KALRN: variants seen among roughly 807,000 people sequenced by gnomAD.
KALRN encodes kalirin.
Under a neutral mutation model 353.7 loss-of-function variants are expected in KALRN, and 70 were observed. The ratio of observed to expected loss-of-function variants is 0.20; its 90% CI spans 0.16 to 0.24. The LOEUF is 0.24. KALRN is among the 10% of genes least tolerant of loss of function. The pLI, the probability that KALRN is intolerant of heterozygous loss-of-function variation, is 1.00. For missense variants in KALRN, 2,791 were observed against 3,756.7 expected, an observed-to-expected ratio of 0.74 and a Z score of 6.72; for synonymous variants, 1,391 against 1,434.8, an observed-to-expected ratio of 0.97 and a Z score of 0.69.
At chr3:124,205,854 T>C (rs1440685664) in intron 1 of KALRN, among the ~76,000 whole-genome samples, 4 of 152,218 alleles carry the variant, frequency 2.6e-5, no homozygotes, top group African/African-American at 9.6e-5. Context: ...CCCTGGCAGC[T>C]GGTATCTAAA....
intron 5 of KALRN, among the ~76,000 whole-genome samples, chr3:124,274,817 T>A (rs1431273912): frequency 1.3e-5 from 2 of 152,164 alleles, no homozygotes; most frequent in African/African-American, 4.8e-5. Flanking sequence ...TAGCCCTGCC[T>A]TTACCACTAC....
At chr3:124,665,554 T>C (rs2085506939) in intron 45 of KALRN, among the ~76,000 whole-genome samples, 1 of 152,222 alleles carries the variant, frequency 6.6e-6, no homozygotes, top group African/African-American at 2.4e-5. Context: ...AACCTCTGCC[T>C]CCCAGGTTCA....
chr3:124,576,771 A>C (rs2149212124), intron 34 of KALRN, among the ~76,000 whole-genome samples: 1 of 152,268 alleles, frequency 6.6e-6, no homozygotes, highest in East Asian at 1.9e-4. Context: ...TGCCTGTAGG[A>C]GGGAAGGTGG....
chr3:124,210,639 A>G (rs1282817252), intron 1 of KALRN, among the ~76,000 whole-genome samples: 1 of 152,156 alleles, frequency 6.6e-6, no homozygotes, highest in Non-Finnish European at 1.5e-5. Context: ...AGAAGAAAAA[A>G]ACACAAAGGG....
intron 1 of KALRN, among the ~76,000 whole-genome samples, chr3:124,197,176 G>C (rs2075526807): frequency 6.6e-6 from 1 of 151,470 alleles, no homozygotes; most frequent in African/African-American, 2.4e-5. Flanking sequence ...GACTAGATTT[G>C]CCTTATATAA....
At chr3:124,318,754 A>G (rs80104019) in intron 6 of KALRN, among the ~76,000 whole-genome samples, 2,507 of 152,306 alleles carry the variant, frequency 0.016, 68 homozygotes, top group African/African-American at 0.057. Flanking sequence ...TTAAGTTAAT[A>G]TAAGCTGCAG....
At chr3:124,142,994 CT>C (rs375016199) in intron 1 of KALRN, among the ~76,000 whole-genome samples, 19 of 148,762 alleles carry the variant, frequency 1.3e-4, no homozygotes, top group East Asian at 3.9e-4. Context: ...ACTGTGATGG[CT>C]TTTTTTTTTC....
rs147104793 is a variant in KALRN, at chr3:124,250,372, G to C, written c.264-14126G>C. Among the ~76,000 whole-genome samples, 766 of 152,330 alleles carry C rather than the reference G, an allele frequency of 5.0e-3. 6 individuals are homozygous for C. Among genetic ancestry groups the C allele is most frequent in the African/African-American group, 0.018 (734 of 41,576 alleles). On this transcript the variant is annotated intron_variant, in intron 3 of 59. Transcript: ENST00000682506. The stretch of plus-strand genomic sequence containing the variant: ...GTGTGACAAGAGAATGAGGAGTGGT[G>C]ATGGCATGGTAGTAGGCCAAGCCTG...
intron 13 of KALRN, among the ~76,000 whole-genome samples, chr3:124,406,686 T>C (rs1225160015): frequency 6.6e-6 from 1 of 152,198 alleles, no homozygotes; most frequent in Admixed American, 6.5e-5. Flanking sequence ...ATGCAACATA[T>C]GTAGTGTTGA....
At chr3:124,568,185 C>G (rs1249676805) in intron 34 of KALRN, among the ~76,000 whole-genome samples, 1 of 152,132 alleles carries the variant, frequency 6.6e-6, no homozygotes, top group Admixed American at 6.5e-5. Flanking sequence ...TAAAAATGGA[C>G]AAAGGACTTA....
In KALRN at chr3:124,209,130, G is replaced by T. The variant is rs141642143; in HGVS notation, c.74-18860G>T. Among the ~76,000 whole-genome samples the T allele has an allele frequency of 2.5e-3, 374 of 152,158 alleles. 4 individuals carry two copies. The highest frequency in any genetic ancestry group is 8.0e-3 in the African/African-American group (334 of 41,512). ...TACATTGTCTCTCTATGAGTTTGGT[G>T]TTATTAGCCTTATTTTACTTATGAG... On this transcript the variant is annotated intron_variant, in intron 1 of 59. Coordinates refer to ENST00000682506, the MANE Select transcript of KALRN (RefSeq NM_001388419.1).
In KALRN at chr3:124,657,716, T is replaced by G; in HGVS notation, c.5967-18T>G. The G allele has an allele frequency of 6.3e-7, 1 of 1,594,596 alleles. No homozygotes were observed. Among genetic ancestry groups the G allele is most frequent in the Non-Finnish European group, 8.6e-7 (1 of 1,162,488 alleles). ...TGAATAATGTGGCTTCCTTCTCTTA[T>G]CCCCTTTCTCCTTTTAGTTTTTTCC... On this transcript the variant is annotated intron_variant, in intron 40 of 59. Coordinates refer to ENST00000682506, the MANE Select transcript of KALRN (RefSeq NM_001388419.1).
chr3:124,303,477 C>G (rs2077425987), intron 6 of KALRN, among the ~76,000 whole-genome samples: 1 of 152,164 alleles, frequency 6.6e-6, no homozygotes, highest in Non-Finnish European at 1.5e-5. Flanking sequence ...GCCTTCTACT[C>G]TGATGGGAGT....
At chr3:124,672,020 C>T (rs941044020) in intron 48 of KALRN, 122 bp downstream of exon 48, 1 of 760,656 alleles carries the variant, frequency 1.3e-6, no homozygotes, top group African/African-American at 1.7e-5. Context: ...ACCATCTCAG[C>T]TCACTGCAAC....
intron 3 of KALRN, among the ~76,000 whole-genome samples, chr3:124,259,493 T>C (rs2148841747): frequency 6.6e-6 from 1 of 152,344 alleles, no homozygotes; most frequent in African/African-American, 2.4e-5. Context: ...GATTTATGTC[T>C]ATTAGGCTTT....
At chr3:124,406,398 T>C (rs1355612955) in intron 13 of KALRN, among the ~76,000 whole-genome samples, 2 of 152,222 alleles carry the variant, frequency 1.3e-5, no homozygotes, top group Non-Finnish European at 2.9e-5. Context: ...TTCATCGTGG[T>C]AACCTATATC....
intron 34 of KALRN, among the ~76,000 whole-genome samples, chr3:124,597,534 C>A (rs569962205): frequency 2.0e-5 from 3 of 152,132 alleles, no homozygotes; most frequent in Non-Finnish European, 4.4e-5. Flanking sequence ...TTTTAAAGGG[C>A]CAAGGACATA....
intron 3 of KALRN, among the ~76,000 whole-genome samples, chr3:124,242,896 A>G (rs766650689): frequency 2.0e-5 from 3 of 152,186 alleles, no homozygotes; most frequent in African/African-American, 4.8e-5. Context: ...GTGATAGTCA[A>G]CCATGATTTA....
intron 1 of KALRN, among the ~76,000 whole-genome samples, chr3:124,214,316 T>C (rs2077136151): frequency 6.6e-6 from 1 of 152,202 alleles, no homozygotes; most frequent in African/African-American, 2.4e-5. Flanking sequence ...ATGCATTGAG[T>C]AGATATGGTT....
Sources: allele counts gnomAD v4.1 joint callset (sites outside exome capture counted in the v4.1 genomes callset), GRCh38; gene constraint gnomAD v4.1.1; transcripts MANE v1.5; gene names NCBI Gene and HGNC (gene_info 2026-07-23, HGNC 2026-07-21).